Variants in SHD observed in about 807,000 individuals in gnomAD.
SHD encodes SH2 domain-containing adapter protein D.
SHD carries 29 observed loss-of-function variants against 31.2 expected under a neutral mutation model. The observed-to-expected ratio is 0.93, with a 90% CI of 0.69 to 1.27. SHD has a LOEUF of 1.27. Ranked by LOEUF, SHD falls within the 50% of genes most tolerant of loss-of-function variation. The pLI is 0.00. For missense variants in SHD, 520 were observed against 453.8 expected, an observed-to-expected ratio of 1.15 and a Z score of -1.33; for synonymous variants, 208 against 187.8, an observed-to-expected ratio of 1.11 and a Z score of -0.88.
intron 1 of SHD, among the ~76,000 whole-genome samples, chr19:4,281,448 C>CA (rs56171246): frequency 0.018 from 914 of 49,664 alleles, 32 homozygotes; most frequent in Non-Finnish European, 0.024. Context: ...CACCCTGTCT[C>CA]AAAAAAAAAA....
intron 1 of SHD, among the ~76,000 whole-genome samples, 196 bp downstream of exon 1, chr19:4,280,556 TC>T (rs1281057148): frequency 6.6e-6 from 1 of 152,004 alleles, no homozygotes; most frequent in Non-Finnish European, 1.5e-5. Context: ...TGAGACAGTC[TC>T]CCCCTGTCAC....
Position 4,280,240 on chromosome 19 carries a change from C to T in SHD, c.177C>T (p.Gly59=), listed in dbSNP as rs1971243529. The change falls in exon 1 of 6, where the codon GGC becomes GGT. Residue 59 remains glycine (G), a synonymous_variant. Coordinates refer to ENST00000543264, the MANE Select transcript of SHD (RefSeq NM_020209.4). ...AESRLEPDPA[G]PGDSKNPGDA... ...GCCGCTTGGAGCCGGACCCCGCGGGCCCTGGGGACTCCAAGAACCCCGGAG... is the reference window on the plus strand; with the variant it reads ...GCCGCTTGGAGCCGGACCCCGCGGGTCCTGGGGACTCCAAGAACCCCGGAG... The T allele has an allele frequency of 1.9e-6, 3 of 1,613,804 alleles. No homozygotes were observed. The highest frequency in any genetic ancestry group is 2.5e-6 in the Non-Finnish European group (3 of 1,180,002).
At chr19:4,289,103 A>ATTTTTTTT (rs71166980) in intron 5 of SHD, among the ~76,000 whole-genome samples, 1 of 77,362 alleles carries the variant, frequency 1.3e-5, no homozygotes, top group Non-Finnish European at 2.3e-5. Context: ...TGCCCAGCTA[A>ATTTTTTTT]TTTTTTTTTT....
chr19:4,287,546 A>C (rs1971333094), intron 4 of SHD, among the ~76,000 whole-genome samples: 1 of 151,846 alleles, frequency 6.6e-6, no homozygotes, highest in Admixed American at 6.6e-5. Flanking sequence ...GTACTTTGGG[A>C]GGCCAAGGAG....
Position 4,279,713 on chromosome 19 carries a change from G to A in SHD, c.-351G>A, listed in dbSNP as rs1239100126. 2 of 221,086 alleles carry A rather than the reference G, an allele frequency of 9.0e-6. No homozygotes were observed. The highest frequency in any genetic ancestry group is 1.8e-5 in the Non-Finnish European group (2 of 113,320). The allele number at this position is 221,086 out of a possible 1,614,324, so 13.7% of individuals were successfully genotyped here. On this transcript the variant is annotated 5_prime_UTR_variant, in exon 1 of 6. Coordinates refer to ENST00000543264, the MANE Select transcript of SHD (RefSeq NM_020209.4). This position sits in a 1 kb window ranked among gnomAD's most constrained non-coding sequence, Gnocchi z 7.5. ...GGCGGCCGTGTCGCTCCAGGGAACC[G>A]CGCTGCCCGCGGAAACTCCGCGCGC... is the stretch of plus-strand genomic sequence containing the variant.
intron 4 of SHD, among the ~76,000 whole-genome samples, chr19:4,285,889 C>CTTTTTTTTTTTTTTTTT (rs56142317): frequency 2.3e-5 from 2 of 87,354 alleles, no homozygotes; most frequent in African/African-American, 5.1e-5. Flanking sequence ...CTTTTCCTTT[C>CTTTTTTTTTTTTTTTTT]TTTTTTTTTT....
intron 4 of SHD, among the ~76,000 whole-genome samples, chr19:4,285,484 G>A (rs1438421984): frequency 6.6e-6 from 1 of 152,112 alleles, no homozygotes; most frequent in Non-Finnish European, 1.5e-5. Flanking sequence ...CTCTTCGGTG[G>A]GCAATACAGA....
intron 4 of SHD, among the ~76,000 whole-genome samples, chr19:4,285,574 G>A (rs776027332): frequency 7.1e-6 from 1 of 140,656 alleles, no homozygotes; most frequent in Non-Finnish European, 1.6e-5. Context: ...CTCCCTCCCC[G>A]AGTCTTGCTG....
intron 5 of SHD, among the ~76,000 whole-genome samples, chr19:4,290,032 C>G (rs533697352): frequency 2.0e-5 from 3 of 152,014 alleles, no homozygotes; most frequent in Admixed American, 2.0e-4. Flanking sequence ...CCCGCCACCA[C>G]GCCCGGCTAA....
Position 4,290,646 on chromosome 19 carries a change from G to T in SHD, c.*13G>T. 5 of 1,576,758 alleles carry T rather than the reference G, an allele frequency of 3.2e-6. No individual in the cohort carries two copies. The highest frequency in any genetic ancestry group is 4.3e-6 in the Non-Finnish European group (5 of 1,158,366). The stretch of plus-strand genomic sequence containing the variant: ...GCAGACCCCCTGACAGTGACCCTCG[G>T]CCCCCTTTTGAGTCCTCGGGCCCAG... On this transcript the variant is annotated 3_prime_UTR_variant, in exon 6 of 6. Coordinates refer to ENST00000543264, the MANE Select transcript of SHD (RefSeq NM_020209.4).
rs368299906 is a variant in SHD, at chr19:4,284,815, A to G, written c.627A>G (p.Pro209=). ...QFDSPEWERT[P]GSAKELRRPP... ...ACAGTCCAGAGTGGGAGAGGACTCC[A>G]GGCTCAGCCAAGGAGCTCCGGAGAC... The change falls in exon 4 of 6, where the codon CCA becomes CCG. Residue 209 remains proline (P), a synonymous_variant. Coordinates refer to ENST00000543264, the MANE Select transcript of SHD (RefSeq NM_020209.4). 3.7e-6 allele frequency: 6 copies of G among 1,612,676 alleles called. No individual in the cohort carries two copies. In the African/African-American group the frequency reaches 5.3e-5, roughly 14 times the overall value.
chr19:4,287,964 G>C (rs1057377710), intron 4 of SHD, among the ~76,000 whole-genome samples: 3 of 151,624 alleles, frequency 2.0e-5, no homozygotes, highest in Non-Finnish European at 2.9e-5. Context: ...GAGTGCAGTG[G>C]TGCAATCTCA....
intron 3 of SHD, 97 bp downstream of exon 3, chr19:4,283,339 A>G (rs779793973): frequency 6.5e-6 from 8 of 1,237,106 alleles, no homozygotes; most frequent in South Asian, 1.5e-5. Flanking sequence ...GTAGAGTCCA[A>G]TTACTTGTCA....
chr19:4,286,425 C>T (rs998111863), intron 4 of SHD, among the ~76,000 whole-genome samples: 2 of 151,384 alleles, frequency 1.3e-5, no homozygotes, highest in Non-Finnish European at 2.9e-5. Context: ...GCTCACTGTA[C>T]CCCTGCACTC....
In SHD at chr19:4,280,048, G is replaced by C. The variant is rs985189404; in HGVS notation, c.-16G>C. On this transcript the variant is annotated 5_prime_UTR_variant, in exon 1 of 6. Coordinates refer to ENST00000543264, the MANE Select transcript of SHD (RefSeq NM_020209.4). ...GCCCCTCTGACAGTGGCCCGATTGG[G>C]GTGACAGGCGCCCAAATGGCCAAGT... The C allele has an allele frequency of 4.4e-6, 7 of 1,584,392 alleles. No individual in the cohort carries two copies. Among genetic ancestry groups the C allele is most frequent in the Non-Finnish European group, 5.1e-6 (6 of 1,166,558 alleles).
rs1971366821 is a variant in SHD at position 4,290,506 on chromosome 19, T to C, written c.896T>C (p.Leu299Pro). 2 of 1,613,610 alleles carry C rather than the reference T, an allele frequency of 1.2e-6. No homozygotes were observed. The highest frequency in any genetic ancestry group is 1.7e-6 in the Non-Finnish European group (2 of 1,179,980). ...FARTRENQVV[L>P]GQHSGPFPSV... ...CGGACCCGTGAGAACCAGGTGGTGC[T>C]GGGCCAACACAGCGGGCCCTTCCCC... The change falls in exon 6 of 6, where the codon CTG becomes CCG. Residue 299 changes from leucine (L) to proline (P), a missense_variant. By Grantham distance (98) the Leu-to-Pro change is moderately conservative. Coordinates refer to ENST00000543264, the MANE Select transcript of SHD (RefSeq NM_020209.4).
Position 4,279,871 on chromosome 19 carries a change from T to C in SHD, c.-193T>C. 3.0e-6 allele frequency: 2 copies of C among 665,394 alleles called. No homozygotes were observed. The highest frequency in any genetic ancestry group is 5.0e-6 in the Non-Finnish European group (2 of 403,916). The allele number at this position is 665,394 out of a possible 1,614,324, so 41.2% of individuals were successfully genotyped here. On this transcript the variant is annotated 5_prime_UTR_variant, in exon 1 of 6. Coordinates refer to ENST00000543264, the MANE Select transcript of SHD (RefSeq NM_020209.4). The surrounding 1 kb of genome is among the most constrained non-coding windows in gnomAD (Gnocchi z 7.5). ...TTCCTCCCTCCTCTGTCGCCTCCTTTTCCTCCCCCTCGTTCACCTTTTCCT... is the reference window on the plus strand; with the variant it reads ...TTCCTCCCTCCTCTGTCGCCTCCTTCTCCTCCCCCTCGTTCACCTTTTCCT...
At chr19:4,281,237 G>A (rs1444333544) in intron 1 of SHD, among the ~76,000 whole-genome samples, 1 of 151,484 alleles carries the variant, frequency 6.6e-6, no homozygotes, top group East Asian at 1.9e-4. Context: ...TTGAGCCCAG[G>A]AGTTCGAGAC....
intron 3 of SHD, among the ~76,000 whole-genome samples, chr19:4,283,537 G>A (rs564955005): frequency 6.6e-6 from 1 of 151,850 alleles, no homozygotes; most frequent in Non-Finnish European, 1.5e-5. Flanking sequence ...TGTGGGGGTG[G>A]CAGGGGCAGC....
Sources: allele counts gnomAD v4.1 joint callset (sites outside exome capture counted in the v4.1 genomes callset), GRCh38; gene constraint gnomAD v4.1.1; non-coding constraint Gnocchi (gnomAD v3.1); transcripts MANE v1.5; gene names NCBI Gene and HGNC (gene_info 2026-07-23, HGNC 2026-07-21).